Variants in ANTXR2 observed in about 807,000 individuals in gnomAD.
ANTXR2 encodes anthrax toxin receptor 2.
In ANTXR2, 44 loss-of-function variants were observed where a neutral mutation model predicts 73.7. The observed-to-expected ratio is 0.60, with a 90% confidence interval of 0.47 to 0.77. ANTXR2 has a LOEUF of 0.77. Among genes scored for constraint, ANTXR2 ranks in the 30% least tolerant of loss-of-function variants. The pLI, the probability that ANTXR2 is intolerant of heterozygous loss-of-function variation, is 0.00. For synonymous variants in ANTXR2, 217 were observed against 205.9 expected (o/e 1.05, Z -0.46); for missense variants, 604 against 592.5 (o/e 1.02, Z -0.20).
chr4:80,010,679 C>G (rs1048100535), intron 11 of ANTXR2, among the ~76,000 whole-genome samples: 5 of 152,100 alleles, frequency 3.3e-5, no homozygotes, highest in African/African-American at 1.2e-4. Flanking sequence ...GAAAATTGCA[C>G]TGACAGAACA....
chr4:79,993,828 C>T (rs1353576946), intron 12 of ANTXR2, among the ~76,000 whole-genome samples: 4 of 150,618 alleles, frequency 2.7e-5, no homozygotes, highest in Non-Finnish European at 5.9e-5. Context: ...TTTTTGAATG[C>T]TAGGATAATT....
chr4:79,998,546 G>A lies in ANTXR2; in HGVS notation c.1041+9975C>T, dbSNP rs116305795. On this transcript the variant is annotated intron_variant, in intron 12 of 16. Coordinates refer to ENST00000403729, the MANE Select transcript of ANTXR2 (RefSeq NM_058172.6). ...CTATCCTGATTAGTAAAACAAATTT[G>A]CTCTTAACTCAAAATATCCCCTAAT... 3.4e-3 allele frequency among the ~76,000 whole-genome samples: 514 copies of A among 152,030 alleles called. 2 individuals carry two copies. The highest frequency in any genetic ancestry group is 5.2e-3 in the Non-Finnish European group (351 of 67,960).
chr4:79,910,524 AAAAAAAAG>A (rs1198541798), intron 16 of ANTXR2, among the ~76,000 whole-genome samples: 3 of 108,666 alleles, frequency 2.8e-5, no homozygotes, highest in African/African-American at 9.9e-5. Flanking sequence ...AAAAAAAAAG[AAAAAAAAG>A]AAAAAAAAAA....
chr4:80,037,278 G>A (rs1262652765), intron 7 of ANTXR2, among the ~76,000 whole-genome samples: 1 of 152,152 alleles, frequency 6.6e-6, no homozygotes, highest in Admixed American at 6.5e-5. Context: ...AGTAAGGACT[G>A]TAGCAGGAAA....
At chr4:80,054,777 T>C (rs1733917333) in intron 6 of ANTXR2, among the ~76,000 whole-genome samples, 1 of 151,634 alleles carries the variant, frequency 6.6e-6, no homozygotes, top group African/African-American at 2.4e-5. Context: ...TAGATGGACT[T>C]TCATTAGAGT....
intron 15 of ANTXR2, 142 bp from the exon 16 acceptor site, chr4:79,977,843 C>T: frequency 1.6e-6 from 2 of 1,236,240 alleles, no homozygotes; most frequent in South Asian, 1.5e-5. Flanking sequence ...TAATAAAAAC[C>T]TAGAGGTTCT....
chr4:79,996,865 A>G (rs1215350714), intron 12 of ANTXR2, among the ~76,000 whole-genome samples: 1 of 151,994 alleles, frequency 6.6e-6, no homozygotes, highest in Non-Finnish European at 1.5e-5. Flanking sequence ...CCTAGTTGCC[A>G]GAATTTTTTC....
chr4:80,012,922 C>T (rs1731666020), intron 11 of ANTXR2, among the ~76,000 whole-genome samples: 1 of 152,188 alleles, frequency 6.6e-6, no homozygotes, highest in African/African-American at 2.4e-5. Flanking sequence ...GCAAAATTAA[C>T]ATAATCTGAA....
rs779730745 is a variant in ANTXR2 at position 79,977,989 on chromosome 4, C to A, written c.1347+18G>T. The A allele has an allele frequency of 1.9e-6, 3 of 1,559,156 alleles. No individual in the cohort carries two copies. The highest frequency in any genetic ancestry group is 4.5e-5 in the East Asian group (2 of 44,326). On this transcript the variant is annotated intron_variant, in intron 15 of 16. Coordinates refer to ENST00000403729, the MANE Select transcript of ANTXR2 (RefSeq NM_058172.6). ...TCCAGAAGTTTTGAGTTAAATTACA[C>A]AAAATCTGGACACATACCTTAATTG...
chr4:80,005,359 C>G (rs1048888731), intron 12 of ANTXR2, among the ~76,000 whole-genome samples: 13 of 152,042 alleles, frequency 8.6e-5, no homozygotes, highest in African/African-American at 3.1e-4. Flanking sequence ...CACAACACCA[C>G]GCTGATAAAT....
intron 16 of ANTXR2, among the ~76,000 whole-genome samples, chr4:79,923,829 A>G (rs1317178907): frequency 6.6e-6 from 1 of 152,156 alleles, no homozygotes; most frequent in Admixed American, 6.6e-5. Flanking sequence ...TTCTTCACAC[A>G]AGTGGCAGAG....
chr4:80,014,744 C>T (rs1057192480), intron 11 of ANTXR2, among the ~76,000 whole-genome samples: 2 of 152,108 alleles, frequency 1.3e-5, no homozygotes, highest in African/African-American at 4.8e-5. Flanking sequence ...GGAGATAGTG[C>T]CCCTATCACA....
At position 79,904,768 on chromosome 4, in the gene ANTXR2, T is replaced by C. The variant is rs1726839531; in HGVS notation, c.*2661A>G. Reference sequence around the variant, plus strand: ...TTTTACACAGAAAGTAGATCTTGACTGACATGGTGTCCAGAAAATCAAACA... The same window carrying C: ...TTTTACACAGAAAGTAGATCTTGACCGACATGGTGTCCAGAAAATCAAACA... On this transcript the variant is annotated 3_prime_UTR_variant, in exon 17 of 17. Transcript: ENST00000403729. The C allele has an allele frequency of 6.6e-6, 1 of 152,176 alleles. No individual in the cohort carries two copies. Among genetic ancestry groups the C allele is most frequent in the Admixed American group, 6.6e-5 (1 of 15,258 alleles). The allele number at this position is 152,176 out of a possible 1,614,324, so 9.4% of individuals were successfully genotyped here.
intron 7 of ANTXR2, among the ~76,000 whole-genome samples, chr4:80,045,990 C>A (rs1733499336): frequency 6.6e-6 from 1 of 151,750 alleles, no homozygotes; most frequent in South Asian, 2.1e-4. Flanking sequence ...CAATACAGCA[C>A]ACACCACTCT....
At chr4:79,950,119 TTAAA>T (rs1017540497) in intron 16 of ANTXR2, among the ~76,000 whole-genome samples, 3 of 147,564 alleles carry the variant, frequency 2.0e-5, no homozygotes, top group East Asian at 3.5e-4. Context: ...TTCTTTTAAA[TTAAA>T]TAGTCATCCT....
In ANTXR2 at chr4:80,072,539, C is replaced by T; in HGVS notation, c.22G>A (p.Ala8Thr). ...AACAGCCAGCTCCCGGGGCTGCGGG[C>T]CGGGGACCGCTCCGCCACCATCCTG... MVAERSPARSPGSWLFPG... is the reference protein window; with the variant it reads MVAERSPTRSPGSWLFPG... The change falls in exon 1 of 17, where the codon GCC becomes ACC. Residue 8 changes from alanine (A) to threonine (T), a missense_variant. Physicochemically the swap from Ala to Thr is moderately conservative, Grantham distance 58 (BLOSUM62 0). Coordinates refer to ENST00000403729, the MANE Select transcript of ANTXR2 (RefSeq NM_058172.6). 6.3e-7 allele frequency: 1 copy of T among 1,582,696 alleles called. No homozygotes were observed. Among genetic ancestry groups the T allele is most frequent in the Non-Finnish European group, 8.6e-7 (1 of 1,166,256 alleles).
intron 16 of ANTXR2, among the ~76,000 whole-genome samples, chr4:79,957,790 T>C (rs1312668096): frequency 6.6e-6 from 1 of 151,952 alleles, no homozygotes; most frequent in Non-Finnish European, 1.5e-5. Flanking sequence ...TATCACAGAA[T>C]AATAATATAG....
rs552331462 is a variant in ANTXR2, at chr4:80,067,733, C to G, written c.296+1703G>C. Among the ~76,000 whole-genome samples the G allele has an allele frequency of 3.9e-5, 6 of 152,302 alleles. No homozygotes were observed. In the East Asian group the frequency reaches 1.2e-3, roughly 29 times the overall value. On this transcript the variant is annotated intron_variant, in intron 3 of 16. Coordinates refer to ENST00000403729, the MANE Select transcript of ANTXR2 (RefSeq NM_058172.6). ...AGAAAGTAAGGAGGGCCATTATCCTCAGCAAACTAACACAGGAACAGAAAA... is the reference window on the plus strand; with the variant it reads ...AGAAAGTAAGGAGGGCCATTATCCTGAGCAAACTAACACAGGAACAGAAAA...
intron 10 of ANTXR2, among the ~76,000 whole-genome samples, chr4:80,026,852 T>G (rs1732470157): frequency 6.6e-6 from 1 of 152,140 alleles, no homozygotes; most frequent in Non-Finnish European, 1.5e-5. Context: ...TGACATCTTA[T>G]TAGCCACCCC....
Sources: allele counts gnomAD v4.1 joint callset (sites outside exome capture counted in the v4.1 genomes callset), GRCh38; gene constraint gnomAD v4.1.1; transcripts MANE v1.5; gene names NCBI Gene and HGNC (gene_info 2026-07-23, HGNC 2026-07-21).